Variants in CYBB observed in about 807,000 individuals in gnomAD.
CYBB encodes NADPH oxidase 2.
CYBB carries 5 observed loss-of-function variants against 46.5 expected under a neutral mutation model. That is an observed-to-expected ratio of 0.11 (90% CI 0.06 to 0.23). The LOEUF (loss-of-function observed/expected upper bound fraction) is 0.23, where lower values mean the gene tolerates loss of function less well. CYBB is among the 10% of genes least tolerant of loss of function. The pLI is 1.00. For synonymous variants in CYBB, 183 were observed against 156.7 expected, an observed-to-expected ratio of 1.17 and a Z score of -1.26; for missense variants, 307 against 428.3, an observed-to-expected ratio of 0.72 and a Z score of 2.50.
In CYBB at chrX:37,810,821, T is replaced by C. The variant is rs187038548; in HGVS notation, c.1617T>C (p.Pro539=). The C allele has an allele frequency of 2.1e-5, 25 of 1,206,474 alleles. No homozygotes were observed. In the Admixed American group the frequency reaches 5.5e-4, roughly 26 times the overall value. The change falls in exon 13 of 13, where the codon CCT becomes CCC. Residue 539 remains proline (P), a synonymous_variant. Transcript: ENST00000378588. ...NTRIGVFLCG[P]EALAETLSKQ... ...GAATAGGAGTTTTCCTCTGTGGACC[T>C]GAAGCCTTGGCTGAAACCCTGAGTA...
chrX:37,797,658 C>G (rs782476614), intron 6 of CYBB, among the ~76,000 whole-genome samples: 1 of 112,058 alleles, frequency 8.9e-6, no homozygotes, highest in Admixed American at 9.4e-5. Flanking sequence ...TGGACTCTTA[C>G]TTTGTGTCTG....
At chrX:37,796,185 T>A in intron 6 of CYBB, 44 bp downstream of exon 6, 2 of 1,098,944 alleles carry the variant, frequency 1.8e-6, no homozygotes, top group Non-Finnish European at 2.5e-6. Context: ...TGTCCCTCAA[T>A]TTCTAGGCAG....
At chrX:37,809,861 T>C (rs782598105) in intron 12 of CYBB, among the ~76,000 whole-genome samples, 170 bp downstream of exon 12, 9 of 112,012 alleles carry the variant, frequency 8.0e-5, no homozygotes, top group African/African-American at 2.9e-4. Context: ...TTAAGAAGGA[T>C]CTTTAAATTA....
chrX:37,802,338 C>T (rs1237591106), intron 8 of CYBB, among the ~76,000 whole-genome samples: 12 of 111,783 alleles, frequency 1.1e-4, no homozygotes, highest in African/African-American at 3.9e-4. Context: ...CCTTACTAGA[C>T]TAGAGATGAC....
intron 5 of CYBB, 118 bp from the exon 6 acceptor site, chrX:37,795,833 A>T: frequency 3.7e-6 from 2 of 534,100 alleles, no homozygotes; most frequent in Non-Finnish European, 6.4e-6. Context: ...TGTTCTATAC[A>T]TTGGACACTT....
At chrX:37,795,711 A>G (rs1479308486) in intron 5 of CYBB, among the ~76,000 whole-genome samples, 9 of 112,448 alleles carry the variant, frequency 8.0e-5, no homozygotes, top group Non-Finnish European at 1.5e-4. Flanking sequence ...CACATTTCCT[A>G]TGACATCTTA....
chrX:37,788,071 A>G (rs1929111603), intron 3 of CYBB, among the ~76,000 whole-genome samples: 1 of 112,152 alleles, frequency 8.9e-6, no homozygotes, highest in South Asian at 3.6e-4. Context: ...GTATTTCCCA[A>G]TCACATCTCT....
intron 8 of CYBB, among the ~76,000 whole-genome samples, chrX:37,802,876 C>A (rs1929474439): frequency 8.9e-6 from 1 of 111,820 alleles, no homozygotes; most frequent in South Asian, 3.7e-4. Flanking sequence ...ATATAAGGTT[C>A]TTCTAGAAGT....
At chrX:37,782,339 G>A (rs1250503804) in intron 2 of CYBB, among the ~76,000 whole-genome samples, 156 bp downstream of exon 2, 1 of 112,319 alleles carries the variant, frequency 8.9e-6, no homozygotes, top group African/African-American at 3.2e-5. Flanking sequence ...CTGGGCAACA[G>A]TCACTTAAAG....
Position 37,793,757 on chromosome X carries a change from C to G in CYBB, c.430C>G (p.Leu144Val), listed in dbSNP as rs781795380. Residue 144 changes from leucine to valine, a missense_variant, in exon 5 of 13, where the codon CTT (leucine) becomes GTT (valine). Leu to Val is a conservative substitution (Grantham distance 32). Coordinates refer to ENST00000378588, the MANE Select transcript of CYBB (RefSeq NM_000397.4). The stretch of plus-strand genomic sequence containing the variant: ...TCCTTATTCAGTAGCACTCTCTGAA[C>G]TTGGAGACAGGCAAAATGAAAGTTA... ...SDPYSVALSELGDRQNESYLN... is the reference protein window; with the variant it reads ...SDPYSVALSEVGDRQNESYLN... 8.3e-7 allele frequency: 1 copy of G among 1,208,630 alleles called. No homozygotes were observed. The highest frequency in any genetic ancestry group is 2.2e-5 in the Admixed American group (1 of 45,872).
intron 12 of CYBB, 104 bp from the exon 13 acceptor site, chrX:37,810,687 G>T: frequency 1.2e-6 from 1 of 815,791 alleles, no homozygotes; most frequent in African/African-American, 2.0e-5. Context: ...AGGAGCAGAG[G>T]GGACTCTGCC....
At chrX:37,808,639 C>T (rs782267875) in intron 11 of CYBB, among the ~76,000 whole-genome samples, 1 of 111,847 alleles carries the variant, frequency 8.9e-6, no homozygotes, top group South Asian at 3.7e-4. Context: ...AGAATTGTTG[C>T]TCCATAAAAA....
intron 3 of CYBB, among the ~76,000 whole-genome samples, chrX:37,789,474 G>GGAAAGAAA (rs58215140): frequency 1.8e-4 from 15 of 83,006 alleles, no homozygotes; most frequent in Non-Finnish European, 2.6e-4. Flanking sequence ...AAAGAAAGAA[G>GGAAAGAAA]GAAAGAAAGA....
intron 1 of CYBB, 98 bp downstream of exon 1, chrX:37,780,220 G>A: frequency 1.4e-6 from 1 of 697,959 alleles, no homozygotes; most frequent in South Asian, 2.3e-5. Context: ...TTGAGGAATT[G>A]TGTTGAAACT....
At chrX:37,800,936 G>A (rs1929424319) in intron 7 of CYBB, among the ~76,000 whole-genome samples, 1 of 112,222 alleles carries the variant, frequency 8.9e-6, no homozygotes, top group Non-Finnish European at 1.9e-5. Flanking sequence ...ACCTTGCTTT[G>A]TTATAGGGTT....
intron 12 of CYBB, among the ~76,000 whole-genome samples, chrX:37,810,101 T>C (rs1556472840): frequency 1.8e-5 from 2 of 112,187 alleles, no homozygotes; most frequent in Non-Finnish European, 3.8e-5. Flanking sequence ...AAATCTTAAG[T>C]TGACAGATGT....
chrX:37,788,610 A>G (rs573485629), intron 3 of CYBB, among the ~76,000 whole-genome samples: 1 of 111,597 alleles, frequency 9.0e-6, no homozygotes, highest in Non-Finnish European at 1.9e-5. Context: ...GGGACTAACT[A>G]TGATAATTAT....
Position 37,795,983 on chromosome X carries a change from C to G in CYBB, c.516C>G (p.Thr172=). The G allele has an allele frequency of 8.4e-7, 1 of 1,192,459 alleles. No individual in the cohort carries two copies. The highest frequency in any genetic ancestry group is 1.1e-6 in the Non-Finnish European group (1 of 884,358). ...AAGGAGGCCTGTACCTGGCTGTGAC[C>G]CTGTTGGCAGGCATCACTGGAGTTG... is the stretch of plus-strand genomic sequence containing the variant. ...NPEGGLYLAV[T]LLAGITGVVI... The change falls in exon 6 of 13, where the codon ACC becomes ACG. Residue 172 remains threonine (T), a synonymous_variant. Coordinates refer to ENST00000378588, the MANE Select transcript of CYBB (RefSeq NM_000397.4).
chrX:37,792,109 G>A (rs1556467149), intron 4 of CYBB, 50 bp downstream of exon 4: 1 of 834,210 alleles, frequency 1.2e-6, no homozygotes, highest in South Asian at 2.1e-5. Flanking sequence ...TCTATTCATA[G>A]ATACCTTTTT....
Sources: allele counts gnomAD v4.1 joint callset (sites outside exome capture counted in the v4.1 genomes callset), GRCh38; gene constraint gnomAD v4.1.1; transcripts MANE v1.5; gene names NCBI Gene and HGNC (gene_info 2026-07-23, HGNC 2026-07-21).